Variants in OLFM3 observed in about 807,000 individuals in gnomAD.
OLFM3 encodes the protein olfactomedin 3, also known as noelin-3.
A neutral mutation model predicts 48.6 loss-of-function variants in OLFM3; 20 were observed. The ratio of observed to expected loss-of-function variants is 0.41; its 90% CI spans 0.29 to 0.60. The LOEUF (loss-of-function observed/expected upper bound fraction) is 0.60. Ranked by LOEUF, OLFM3 falls within the 20% of genes least tolerant of loss-of-function variation. The pLI, the probability that OLFM3 is intolerant of heterozygous loss-of-function variation, is 0.28. For synonymous variants in OLFM3, 222 were observed against 198.1 expected (o/e 1.12, Z -1.01); for missense variants, 437 against 544.3 (o/e 0.80, Z 1.96).
At chr1:101,819,782 G>A (rs1025510725) in intron 4 of OLFM3, among the ~76,000 whole-genome samples, 2 of 151,998 alleles carry the variant, frequency 1.3e-5, no homozygotes, top group African/African-American at 2.4e-5. Flanking sequence ...GAACTCAGAA[G>A]GACTTCCATG....
rs114929874 is a variant in OLFM3 at position 101,987,474 on chromosome 1, G to A, written c.69+9274C>T. Among the ~76,000 whole-genome samples, 1,000 of 152,238 alleles carry A rather than the reference G, an allele frequency of 6.6e-3. 9 individuals are homozygous for A. The highest frequency in any genetic ancestry group is 0.022 in the African/African-American group (916 of 41,558). On this transcript the variant is annotated intron_variant, in intron 1 of 5. Coordinates refer to ENST00000370103, the MANE Select transcript of OLFM3 (RefSeq NM_058170.4). Reference sequence around the variant, plus strand: ...AATATTTCAGTTTGTTTTTACTACAGTGATATGTATGAAGATTTCATTATG... The same window carrying A: ...AATATTTCAGTTTGTTTTTACTACAATGATATGTATGAAGATTTCATTATG...
Position 101,803,846 on chromosome 1 carries a change from A to G in OLFM3, c.*392T>C, listed in dbSNP as rs1248092369. 10 of 154,344 alleles carry G rather than the reference A, an allele frequency of 6.5e-5. No homozygotes were observed. In the Admixed American group the frequency reaches 6.5e-4, roughly 10 times the overall value. The allele number at this position is 154,344 out of a possible 1,614,324, so 9.6% of individuals were successfully genotyped here. ...TTGTTCTCCTAATTCCTACCAAAAT[A>G]TTTCCTGATATGGAGCAAAAGACAG... On this transcript the variant is annotated 3_prime_UTR_variant, in exon 6 of 6. Transcript: ENST00000370103.
At chr1:101,937,810 C>G (rs1207858256) in intron 1 of OLFM3, among the ~76,000 whole-genome samples, 1 of 152,180 alleles carries the variant, frequency 6.6e-6, no homozygotes, top group African/African-American at 2.4e-5. Context: ...TCCTGACCAC[C>G]CTATACATAT....
chr1:101,886,353 C>A (rs1361962813), intron 1 of OLFM3, among the ~76,000 whole-genome samples: 2 of 152,022 alleles, frequency 1.3e-5, no homozygotes, highest in African/African-American at 4.8e-5. Flanking sequence ...TGCAGCACAA[C>A]TTTTGCTCAG....
intron 1 of OLFM3, among the ~76,000 whole-genome samples, chr1:101,908,135 T>C (rs2101025171): frequency 6.6e-6 from 1 of 152,334 alleles, no homozygotes; most frequent in Admixed American, 6.5e-5. Context: ...CGTTTAATGA[T>C]AGCACATGCC....
chr1:101,943,734 T>A (rs1365627730), intron 1 of OLFM3, among the ~76,000 whole-genome samples: 1 of 152,180 alleles, frequency 6.6e-6, no homozygotes, highest in Non-Finnish European at 1.5e-5. Flanking sequence ...TGTATGTATC[T>A]ATATATTTAT....
intron 1 of OLFM3, among the ~76,000 whole-genome samples, chr1:101,974,692 C>T (rs1447631927): frequency 6.6e-6 from 1 of 152,058 alleles, no homozygotes; most frequent in Non-Finnish European, 1.5e-5. Context: ...ACCCTACAAC[C>T]AACTGATGCC....
intron 1 of OLFM3, among the ~76,000 whole-genome samples, chr1:101,943,495 A>G (rs561452772): frequency 6.6e-6 from 1 of 152,366 alleles, no homozygotes; most frequent in South Asian, 2.1e-4. Context: ...TTAAAGCAAT[A>G]ACTTCAGGTA....
At chr1:101,956,938 C>T (rs368435591) in intron 1 of OLFM3, among the ~76,000 whole-genome samples, 55 of 151,770 alleles carry the variant, frequency 3.6e-4, no homozygotes, top group African/African-American at 1.1e-3. Flanking sequence ...AATCAGATCA[C>T]GAACTCCTCC....
rs1655111307 is a variant in OLFM3 at position 101,830,792 on chromosome 1, G to A, written c.252C>T (p.Asn84=). 1 of 1,613,958 alleles carries A rather than the reference G, an allele frequency of 6.2e-7. No homozygotes were observed. Among genetic ancestry groups the A allele is most frequent in the Non-Finnish European group, 8.5e-7 (1 of 1,179,880 alleles). The change falls in exon 3 of 6, where the codon AAC becomes AAT. Residue 84 remains asparagine, a synonymous_variant. Transcript: ENST00000370103. The part of the protein sequence containing the change: ...QNMSQSIEVL[N]LRTQRDFQYV... ...ATTGGAAATCTCTCTGAGTTCTCAA[G>A]TTTAAGACTTCAATAGACTGGGACA... is the stretch of plus-strand genomic sequence containing the variant.
rs538670363 is a variant in OLFM3 at position 101,860,354 on chromosome 1, C to T, written c.70-23329G>A. Among the ~76,000 whole-genome samples, 25 of 152,106 alleles carry T rather than the reference C, an allele frequency of 1.6e-4. 1 individual carries two copies. In the South Asian group the frequency reaches 5.0e-3, roughly 30 times the overall value. ...TGTTGTGAGGATGTATTTGCAACTGCGTGTTAACTCAGCATGAATAACAGT... is the reference window on the plus strand; with the variant it reads ...TGTTGTGAGGATGTATTTGCAACTGTGTGTTAACTCAGCATGAATAACAGT... On this transcript the variant is annotated intron_variant, in intron 1 of 5. Transcript: ENST00000370103.
At chr1:101,958,371 T>C (rs555494221) in intron 1 of OLFM3, among the ~76,000 whole-genome samples, 4 of 152,074 alleles carry the variant, frequency 2.6e-5, no homozygotes, top group Non-Finnish European at 5.9e-5. Flanking sequence ...AGGCAGTAGG[T>C]ATGACTGATG....
intron 1 of OLFM3, among the ~76,000 whole-genome samples, chr1:101,865,240 A>C (rs1173993355): frequency 6.6e-6 from 1 of 152,154 alleles, no homozygotes; most frequent in Non-Finnish European, 1.5e-5. Flanking sequence ...AGTGCTCCTA[A>C]TTGGAACAGC....
chr1:101,995,049 G>A (rs1661520924), intron 1 of OLFM3, among the ~76,000 whole-genome samples: 1 of 152,168 alleles, frequency 6.6e-6, no homozygotes, highest in Non-Finnish European at 1.5e-5. Context: ...TGGAAAGAAA[G>A]GGGTGCAAGC....
chr1:101,805,612 T>A (rs1653733796), intron 5 of OLFM3, among the ~76,000 whole-genome samples: 1 of 151,842 alleles, frequency 6.6e-6, no homozygotes, highest in African/African-American at 2.4e-5. Flanking sequence ...CTTTTAAAAT[T>A]ACTTCTAGAC....
At chr1:101,846,831 C>T in intron 1 of OLFM3, 3 of 1,597,450 alleles carry the variant, frequency 1.9e-6, no homozygotes, top group Middle Eastern at 1.7e-4. Flanking sequence ...GCCAAACCCA[C>T]CGCAGTAACT....
At chr1:101,825,602 A>G (rs1169007504) in intron 3 of OLFM3, among the ~76,000 whole-genome samples, 4 of 152,212 alleles carry the variant, frequency 2.6e-5, no homozygotes, top group African/African-American at 9.6e-5. Context: ...AGGAAATATA[A>G]GCAGAATCCA....
Position 101,959,722 on chromosome 1 carries a change from C to T in OLFM3, c.69+37026G>A, listed in dbSNP as rs1336794. 4.7e-3 allele frequency among the ~76,000 whole-genome samples: 721 copies of T among 151,974 alleles called. 11 individuals carry two copies. The highest frequency in any genetic ancestry group is 0.017 in the African/African-American group (696 of 41,458). On this transcript the variant is annotated intron_variant, in intron 1 of 5. Transcript: ENST00000370103. ...GGCTAGATAGCTGCTGAGTCAAGAC[C>T]GTATAAGGCAGCATTAATCTATGTA...
intron 1 of OLFM3, among the ~76,000 whole-genome samples, chr1:101,849,950 CACTT>C (rs1199026463): frequency 6.6e-6 from 1 of 152,110 alleles, no homozygotes; most frequent in Non-Finnish European, 1.5e-5. Flanking sequence ...ATGTGCCCCA[CACTT>C]AGAGTTCAGA....
Sources: gnomAD v4.1 joint callset for allele counts (sites outside exome capture counted in the v4.1 genomes callset) on GRCh38, gnomAD v4.1.1 for gene constraint, MANE v1.5 for transcripts, NCBI Gene and HGNC (gene_info 2026-07-23, HGNC 2026-07-21) for gene names.